The following PDE4D variants were observed in gnomAD, a reference collection of about 807,000 sequenced individuals.
PDE4D encodes phosphodiesterase 4D, also known as 3',5'-cyclic-AMP phosphodiesterase 4D.
PDE4D carries 24 observed loss-of-function variants against 87.4 expected under a neutral mutation model. That is an observed-to-expected ratio of 0.27 (90% CI 0.20 to 0.39). PDE4D has a LOEUF of 0.39. PDE4D is among the 10% of genes least tolerant of loss of function. The probability of loss-of-function intolerance (pLI) is 1.00; values close to 1 mark genes in which losing one functional copy is unlikely to be tolerated. For synonymous variants in PDE4D, 384 were observed against 383.2 expected (o/e 1.00, Z -0.02); for missense variants, 714 against 1,041.0 (o/e 0.69, Z 4.32).
intron 1 of PDE4D, among the ~76,000 whole-genome samples, chr5:60,432,551 T>C (rs1744434738): frequency 6.6e-6 from 1 of 152,226 alleles, no homozygotes; most frequent in African/African-American, 2.4e-5. Flanking sequence ...TGAACAATGA[T>C]ATTCTTTACA....
intron 1 of PDE4D, among the ~76,000 whole-genome samples, chr5:59,505,940 C>G (rs1809186529): frequency 6.6e-6 from 1 of 152,012 alleles, no homozygotes; most frequent in South Asian, 2.1e-4. Flanking sequence ...CATTTCAGCT[C>G]CATTGCCCTA....
chr5:59,853,312 G>A (rs1744953350), intron 1 of PDE4D, among the ~76,000 whole-genome samples: 1 of 152,062 alleles, frequency 6.6e-6, no homozygotes, highest in South Asian at 2.1e-4. Context: ...TGGAAATATA[G>A]AGGCCATACA....
At chr5:59,300,358 C>A (rs543809980) in intron 1 of PDE4D, among the ~76,000 whole-genome samples, 1 of 152,010 alleles carries the variant, frequency 6.6e-6, no homozygotes, top group East Asian at 1.9e-4. Context: ...GCAGACACTC[C>A]CACACACTCC....
intron 1 of PDE4D, among the ~76,000 whole-genome samples, chr5:59,571,418 C>A (rs1821827744): frequency 6.6e-6 from 1 of 152,134 alleles, no homozygotes; most frequent in Non-Finnish European, 1.5e-5. Flanking sequence ...GTGGAGAAAG[C>A]ACGCAACCCA....
intron 1 of PDE4D, among the ~76,000 whole-genome samples, chr5:59,491,635 T>C (rs149015226): frequency 5.6e-4 from 86 of 152,334 alleles, no homozygotes; most frequent in African/African-American, 1.7e-3. Flanking sequence ...AGAAAGATGA[T>C]ATAAAAATTC....
rs568846231 is a variant in PDE4D, at chr5:59,862,731, A to AT, written c.455+30436dup. On this transcript the variant is annotated intron_variant, in intron 1 of 14. Transcript: ENST00000340635. ...TGAATCCCAGCTCAATAACTAGCAG[A>AT]TTTTTTTTCCTGCGGAAAAGTTTCT... Among the ~76,000 whole-genome samples the AT allele has an allele frequency of 1.1e-4, 17 of 152,248 alleles. No homozygotes were observed. In the East Asian group the frequency reaches 1.7e-3, roughly 16 times the overall value.
chr5:59,656,886 C>T (rs1432055397), intron 1 of PDE4D, among the ~76,000 whole-genome samples: 2 of 152,094 alleles, frequency 1.3e-5, no homozygotes, highest in South Asian at 4.1e-4. Context: ...TGGTCATATT[C>T]CTTATAGAGA....
chr5:59,215,428 T>C (rs145727809), intron 2 of PDE4D: 63 of 265,240 alleles, frequency 2.4e-4, no homozygotes, highest in African/African-American at 1.3e-3. Context: ...AAAATATCCA[T>C]GTAGTTAGGT....
rs529960296 is a variant in PDE4D at position 59,420,365 on chromosome 5, T to C, written c.456-204397A>G. Among the ~76,000 whole-genome samples, 5 of 152,252 alleles carry C rather than the reference T, an allele frequency of 3.3e-5. No individual in the cohort carries two copies. The South Asian group carries it at 6.2e-4, about 19-fold the overall frequency. On this transcript the variant is annotated intron_variant, in intron 1 of 14. Transcript: ENST00000340635. ...CTGCCAGTGATGTGCAGGTTAACAC[T>C]CATCTTCCTACTTTATTTTGAGATG...
At position 60,103,188 on chromosome 5, in the gene PDE4D, G is replaced by A. The variant is rs138312483; in HGVS notation, c.42+82369C>T. 7.4e-3 allele frequency among the ~76,000 whole-genome samples: 1,131 copies of A among 152,224 alleles called. 10 individuals carry two copies. The highest frequency in any genetic ancestry group is 0.026 in the African/African-American group (1,076 of 41,522). On this transcript the variant is annotated intron_variant, in intron 2 of 16. Transcript: ENST00000502484. ...ATGCAGTCAGTGTTGCTGACTCACC[G>A]CATGACAGAACAGACACGACAGCCT...
chr5:60,310,104 T>G (rs1260174292), intron 1 of PDE4D, among the ~76,000 whole-genome samples: 3 of 152,154 alleles, frequency 2.0e-5, no homozygotes, highest in African/African-American at 7.2e-5. Flanking sequence ...CACTAGTGCT[T>G]CCCACAGCTG....
At chr5:59,019,899 CTAT>C (rs1386069800) in intron 6 of PDE4D, among the ~76,000 whole-genome samples, 1 of 133,736 alleles carries the variant, frequency 7.5e-6, no homozygotes, top group Non-Finnish European at 1.6e-5. Context: ...ATCTATCTAT[CTAT>C]CTATCTATCT....
At chr5:59,960,800 C>A (rs1253672048) in intron 3 of PDE4D, among the ~76,000 whole-genome samples, 1 of 152,096 alleles carries the variant, frequency 6.6e-6, no homozygotes, top group Admixed American at 6.6e-5. Context: ...ACTCGAACCT[C>A]AGCATCATGC....
intron 2 of PDE4D, among the ~76,000 whole-genome samples, chr5:60,104,262 C>T (rs1024743903): frequency 2.6e-5 from 4 of 152,228 alleles, no homozygotes; most frequent in Admixed American, 2.0e-4. Context: ...TGATTGCTAG[C>T]ACAGCAGTCT....
intron 3 of PDE4D, among the ~76,000 whole-genome samples, chr5:59,913,781 T>C (rs543286335): frequency 1.1e-4 from 16 of 152,102 alleles, no homozygotes; most frequent in Non-Finnish European, 1.8e-4. Context: ...TAAAATAGTA[T>C]AAAATGTAAT....
In PDE4D at chr5:59,792,698, G is replaced by A. The variant is rs142156208; in HGVS notation, c.455+100470C>T. On this transcript the variant is annotated intron_variant, in intron 1 of 14. Coordinates refer to ENST00000340635, the MANE Select transcript of PDE4D (RefSeq NM_001104631.2). Reference sequence around the variant, plus strand: ...CCTCTTTGGAAATCTTCAAACAGAGGAGTGATCTAATCCAGGTGGTTTTAA... The same window carrying A: ...CCTCTTTGGAAATCTTCAAACAGAGAAGTGATCTAATCCAGGTGGTTTTAA... Among the ~76,000 whole-genome samples the A allele has an allele frequency of 2.0e-4, 31 of 152,264 alleles. No individual in the cohort carries two copies. In the East Asian group the frequency reaches 5.8e-3, roughly 28 times the overall value.
chr5:59,776,166 A>T (rs1764058359), intron 1 of PDE4D, among the ~76,000 whole-genome samples: 1 of 152,196 alleles, frequency 6.6e-6, no homozygotes, highest in Non-Finnish European at 1.5e-5. Context: ...TTTATCTGGG[A>T]TGCTTTACAA....
chr5:59,156,909 T>G (rs1306226464), intron 5 of PDE4D, among the ~76,000 whole-genome samples: 1 of 151,900 alleles, frequency 6.6e-6, no homozygotes, highest in African/African-American at 2.4e-5. Context: ...GCAGGGCACA[T>G]ACTTTATAGT....
At chr5:60,284,890 T>C (rs577487171) in intron 1 of PDE4D, among the ~76,000 whole-genome samples, 1 of 145,888 alleles carries the variant, frequency 6.9e-6, no homozygotes, top group Non-Finnish European at 1.5e-5. Context: ...AGTTGGCTAC[T>C]CTTTTGATGT....
Sources: allele counts gnomAD v4.1 joint callset (sites outside exome capture counted in the v4.1 genomes callset), GRCh38; gene constraint gnomAD v4.1.1; transcripts MANE v1.5; gene names NCBI Gene and HGNC (gene_info 2026-07-23, HGNC 2026-07-21).